ADCY8: variants seen among roughly 807,000 people sequenced by gnomAD.
ADCY8 encodes the protein adenylate cyclase type 8.
In ADCY8, 51 loss-of-function variants were observed where a neutral mutation model predicts 119.7. The observed-to-expected ratio is 0.43, with a 90% CI of 0.34 to 0.54. ADCY8 has a LOEUF of 0.54. Among genes scored for constraint, ADCY8 ranks in the 20% least tolerant of loss-of-function variants. The pLI is 0.03. For missense variants in ADCY8, 1,383 were observed against 1,598.8 expected, an observed-to-expected ratio of 0.87 and a Z score of 2.30; for synonymous variants, 665 against 651.0, an observed-to-expected ratio of 1.02 and a Z score of -0.33.
At chr8:130,789,931 C>T (rs1815372423) in intron 15 of ADCY8, among the ~76,000 whole-genome samples, 1 of 152,150 alleles carries the variant, frequency 6.6e-6, no homozygotes, top group African/African-American at 2.4e-5. Flanking sequence ...AGTTCTAGTG[C>T]ATGCGTGAGT....
At position 130,803,014 on chromosome 8, in the gene ADCY8, C is replaced by T. The variant is rs114065384; in HGVS notation, c.2914-2442G>A. On this transcript the variant is annotated intron_variant, in intron 14 of 17. Transcript: ENST00000286355. ...ACTAATCGGATGATGCATCATTTAT[C>T]GGTTGCCTTCCTTTTCATTTTCCAA... Among the ~76,000 whole-genome samples, 268 of 152,280 alleles carry T rather than the reference C, an allele frequency of 1.8e-3. 2 individuals are homozygous for T. Among genetic ancestry groups the T allele is most frequent in the East Asian group, 6.9e-3 (36 of 5,180 alleles).
chr8:131,019,674 T>C (rs1823590347), intron 1 of ADCY8, among the ~76,000 whole-genome samples: 1 of 152,160 alleles, frequency 6.6e-6, no homozygotes. Flanking sequence ...CATTTACTCT[T>C]AGATAAATAC....
At chr8:130,800,651 TGGGTACACAC>T in intron 14 of ADCY8, 79 bp from the exon 15 acceptor site, 1 of 1,493,718 alleles carries the variant, frequency 6.7e-7, no homozygotes, top group Non-Finnish European at 9.2e-7. Flanking sequence ...TGCACACATG[TGGGTACACAC>T]GTGCACAGTC....
chr8:131,034,454 A>G lies in ADCY8; in HGVS notation c.960+4920T>C, dbSNP rs981936307. Among the ~76,000 whole-genome samples, 5 of 152,094 alleles carry G rather than the reference A, an allele frequency of 3.3e-5. No homozygotes were observed. The East Asian group carries it at 9.6e-4, about 29-fold the overall frequency. On this transcript the variant is annotated intron_variant, in intron 1 of 17. Transcript: ENST00000286355. The stretch of plus-strand genomic sequence containing the variant: ...TACACCACTATCTTATCCAGCACAA[A>G]GAAAAAAAAATTTCCCCTAAAGGAT...
At chr8:130,946,375 T>C (rs1299264805) in intron 3 of ADCY8, among the ~76,000 whole-genome samples, 1 of 152,220 alleles carries the variant, frequency 6.6e-6, no homozygotes, top group Non-Finnish European at 1.5e-5. Flanking sequence ...GATCCCACCA[T>C]ACATTATGCA....
At chr8:130,821,931 C>T (rs973437998) in intron 12 of ADCY8, among the ~76,000 whole-genome samples, 1 of 152,088 alleles carries the variant, frequency 6.6e-6, no homozygotes, top group African/African-American at 2.4e-5. Flanking sequence ...TGGGCTGGGA[C>T]AAGAGTCAAA....
intron 2 of ADCY8, among the ~76,000 whole-genome samples, chr8:130,964,892 T>G (rs1433654451): frequency 1.3e-5 from 2 of 152,224 alleles, no homozygotes; most frequent in African/African-American, 2.4e-5. Flanking sequence ...AGTGTCTCAT[T>G]GTGGTTTTGT....
chr8:130,877,255 C>A (rs1333014307), intron 8 of ADCY8, among the ~76,000 whole-genome samples: 2 of 152,168 alleles, frequency 1.3e-5, no homozygotes, highest in African/African-American at 4.8e-5. Flanking sequence ...CATTATCATG[C>A]CCAATTTTAG....
rs530195452 is a variant in ADCY8, at chr8:131,015,688, G to A, written c.960+23686C>T. Among the ~76,000 whole-genome samples, 3 of 152,102 alleles carry A rather than the reference G, an allele frequency of 2.0e-5. No individual in the cohort carries two copies. The South Asian group carries it at 6.2e-4, about 32-fold the overall frequency. ...ATTATTTTTCTCCTTGGTATCTAGT[G>A]ATTTATTTAAAAAAATTATCTTATT... On this transcript the variant is annotated intron_variant, in intron 1 of 17. Transcript: ENST00000286355.
chr8:130,909,336 G>A (rs902386773), intron 6 of ADCY8, among the ~76,000 whole-genome samples: 9 of 152,174 alleles, frequency 5.9e-5, no homozygotes, highest in African/African-American at 2.2e-4. Context: ...AATCCTGGCT[G>A]CCCATTACAA....
chr8:130,990,334 C>T, intron 2 of ADCY8, 59 bp downstream of exon 2: 1 of 1,583,392 alleles, frequency 6.3e-7, no homozygotes, highest in South Asian at 1.2e-5. Context: ...ACAGTAGCTC[C>T]ATATAATTTA....
chr8:131,002,665 TAA>T (rs34152328), intron 1 of ADCY8, among the ~76,000 whole-genome samples: 3,693 of 140,444 alleles, frequency 0.026, 47 homozygotes, highest in East Asian at 0.059. Context: ...TAAGAAAAGG[TAA>T]AAAAAAAAAT....
At chr8:130,992,394 T>TTG (rs1238639646) in intron 1 of ADCY8, among the ~76,000 whole-genome samples, 14 of 117,792 alleles carry the variant, frequency 1.2e-4, no homozygotes, top group African/African-American at 5.6e-4. Flanking sequence ...TATATATATA[T>TTG]ATATATATAT....
At chr8:130,814,370 A>G (rs1816271902) in intron 13 of ADCY8, 143 bp from the exon 14 acceptor site, 1 of 883,602 alleles carries the variant, frequency 1.1e-6, no homozygotes, top group Non-Finnish European at 1.7e-6. Flanking sequence ...TTTGGGAGGC[A>G]TTTTGTTGGA....
intron 1 of ADCY8, among the ~76,000 whole-genome samples, chr8:131,019,495 T>C: frequency 6.6e-6 from 1 of 152,184 alleles, no homozygotes; most frequent in South Asian, 2.1e-4. Flanking sequence ...TTAGCTTCAA[T>C]TTTTAGCCTT....
At chr8:130,960,070 A>G (rs1821552131) in intron 2 of ADCY8, among the ~76,000 whole-genome samples, 1 of 152,218 alleles carries the variant, frequency 6.6e-6, no homozygotes, top group Non-Finnish European at 1.5e-5. Context: ...GGTTAATGTA[A>G]TCATCCAGGC....
At chr8:130,865,650 T>G (rs552044660) in intron 9 of ADCY8, among the ~76,000 whole-genome samples, 6 of 152,180 alleles carry the variant, frequency 3.9e-5, no homozygotes, top group Non-Finnish European at 8.8e-5. Flanking sequence ...GGTTCAGAGT[T>G]CTAGAAAGAG....
At chr8:130,861,006 A>C (rs1046485330) in intron 9 of ADCY8, among the ~76,000 whole-genome samples, 3 of 152,210 alleles carry the variant, frequency 2.0e-5, no homozygotes, top group East Asian at 1.9e-4. Flanking sequence ...CTTTGCTACA[A>C]ATCAATTGAT....
Position 130,946,564 on chromosome 8 carries a change from G to A in ADCY8, c.1242-3102C>T, listed in dbSNP as rs569643987. On this transcript the variant is annotated intron_variant, in intron 3 of 17. Coordinates refer to ENST00000286355, the MANE Select transcript of ADCY8 (RefSeq NM_001115.3). ...CAGTTATCCCCAACTCAAGCTTCTC[G>A]CCCTGTTGGTGCCCCTCTCTGTCAT... is the stretch of plus-strand genomic sequence containing the variant. 1.3e-3 allele frequency among the ~76,000 whole-genome samples: 205 copies of A among 152,022 alleles called. 4 individuals carry two copies. Among genetic ancestry groups the A allele is most frequent in the Non-Finnish European group, 8.4e-4 (57 of 68,010 alleles).
Sources: allele counts gnomAD v4.1 joint callset (sites outside exome capture counted in the v4.1 genomes callset), GRCh38; gene constraint gnomAD v4.1.1; transcripts MANE v1.5; gene names NCBI Gene and HGNC (gene_info 2026-07-23, HGNC 2026-07-21).